The following KMT2C variants were observed in gnomAD, a reference collection of about 807,000 sequenced individuals.
KMT2C encodes the protein histone-lysine N-methyltransferase 2C.
KMT2C carries 88 observed loss-of-function variants against 507.9 expected under a neutral mutation model. That is an observed-to-expected ratio of 0.17 (90% confidence interval 0.15 to 0.21). KMT2C has a LOEUF of 0.21. KMT2C is among the 10% of genes least tolerant of loss of function. The pLI is 1.00. For missense variants in KMT2C, 4,954 were observed against 5,957.8 expected, an observed-to-expected ratio of 0.83 and a Z score of 5.55; for synonymous variants, 2,049 against 2,080.8, an observed-to-expected ratio of 0.98 and a Z score of 0.42.
At position 152,149,677 on chromosome 7, in the gene KMT2C, A is replaced by C. The variant is rs953280188; in HGVS notation, c.12775-525T>G. Among the ~76,000 whole-genome samples the C allele has an allele frequency of 2.0e-5, 3 of 152,342 alleles. No individual in the cohort carries two copies. In the South Asian group the frequency reaches 6.2e-4, roughly 32 times the overall value. The stretch of plus-strand genomic sequence containing the variant: ...GAAAGGGAAGGAGCCCCTGTCAACA[A>C]ATGAATCATACTAACTTTTCTCTGA... On this transcript the variant is annotated intron_variant, in intron 51 of 58. Transcript: ENST00000262189.
intron 3 of KMT2C, among the ~76,000 whole-genome samples, chr7:152,317,422 A>C (rs1198491620): frequency 6.6e-6 from 1 of 152,166 alleles, no homozygotes; most frequent in African/African-American, 2.4e-5. Flanking sequence ...CCAACCAGAG[A>C]ATCTGCAAAT....
Position 152,138,663 on chromosome 7 carries a change from T to A in KMT2C, c.14643+133A>T. The A allele has an allele frequency of 1.6e-6, 1 of 615,384 alleles. No homozygotes were observed. Among genetic ancestry groups the A allele is most frequent in the African/African-American group, 1.9e-5 (1 of 53,494 alleles). The allele number at this position is 615,384 out of a possible 1,614,324, so 38.1% of individuals were successfully genotyped here. A position where few individuals can be genotyped will look rare whatever the true frequency, so the allele number is the denominator to read the frequency against. ...GGTGAGATACTGCAGGGTGGGAACATCTGGCCTATTATGGACAGAGTTTTT... is the reference window on the plus strand; with the variant it reads ...GGTGAGATACTGCAGGGTGGGAACAACTGGCCTATTATGGACAGAGTTTTT... On this transcript the variant is annotated intron_variant, in intron 58 of 58. Coordinates refer to ENST00000262189, the MANE Select transcript of KMT2C (RefSeq NM_170606.3). This position sits in a 1 kb window ranked among gnomAD's most constrained non-coding sequence, Gnocchi z 4.2.
At chr7:152,263,572 T>G (rs2095815222) in intron 8 of KMT2C, among the ~76,000 whole-genome samples, 1 of 152,226 alleles carries the variant, frequency 6.6e-6, no homozygotes, top group Non-Finnish European at 1.5e-5. Flanking sequence ...GCTGCTGTTT[T>G]CTAGCTGTGT....
chr7:152,143,288 A>C (rs937731056), intron 55 of KMT2C, among the ~76,000 whole-genome samples: 2 of 152,266 alleles, frequency 1.3e-5, no homozygotes, highest in African/African-American at 4.8e-5. Context: ...GATCAAGAGC[A>C]GAAAGGGCTC....
At chr7:152,412,470 T>TC (rs1774390143) in intron 1 of KMT2C, among the ~76,000 whole-genome samples, 1 of 152,210 alleles carries the variant, frequency 6.6e-6, no homozygotes, top group Non-Finnish European at 1.5e-5. Context: ...TCATGTTTTT[T>TC]CTTAAAAGTT....
chr7:152,348,951 T>C (rs1019653044), intron 2 of KMT2C, among the ~76,000 whole-genome samples: 27 of 152,332 alleles, frequency 1.8e-4, no homozygotes, highest in Admixed American at 1.4e-3. Context: ...GAAATCATGC[T>C]GCTTGGTATT....
At position 152,205,396 on chromosome 7, in the gene KMT2C, A is replaced by C. The variant is rs1196868066; in HGVS notation, c.3842-171T>G. Reference sequence around the variant, plus strand: ...GGTAAAATAGAAGTTAAAAACGACCAAAAAAAAAAAAAAAAAAGGCAAAGC... The same window carrying C: ...GGTAAAATAGAAGTTAAAAACGACCCAAAAAAAAAAAAAAAAAGGCAAAGC... On this transcript the variant is annotated intron_variant, in intron 24 of 58. Transcript: ENST00000262189. Among the ~76,000 whole-genome samples, 8 of 120,222 alleles carry C rather than the reference A, an allele frequency of 6.7e-5. No individual in the cohort carries two copies. In the East Asian group the frequency reaches 1.7e-3, roughly 25 times the overall value. The allele number at this position is 120,222 out of a possible 152,430, so 78.9% of individuals were successfully genotyped here.
rs1280435901 is a variant in KMT2C at position 152,181,837 on chromosome 7, G to A, written c.6023C>T (p.Thr2008Ile). The stretch of plus-strand genomic sequence containing the variant: ...CACATCTGCCCTAGGAGATGGTTTA[G>A]TAAAGTGATCACTGGTTCCAGCTGC... ...PIAAGTSDHF[T>I]KPSPRADVFQ... The change falls in exon 36 of 59, where the codon ACT becomes ATT. Residue 2008 changes from threonine to isoleucine, a missense_variant. Physicochemically the swap from Thr to Ile is moderately conservative, Grantham distance 89 (BLOSUM62 -1). Transcript: ENST00000262189. 1.2e-6 allele frequency: 2 copies of A among 1,614,172 alleles called. No homozygotes were observed. Among genetic ancestry groups the A allele is most frequent in the Non-Finnish European group, 1.7e-6 (2 of 1,180,026 alleles).
intron 23 of KMT2C, among the ~76,000 whole-genome samples, chr7:152,209,162 A>C (rs1198262847): frequency 1.5e-5 from 2 of 137,528 alleles, no homozygotes; most frequent in African/African-American, 5.7e-5. Context: ...TCCAACTCTC[A>C]AAAAAAAAAA....
At chr7:152,175,748 A>G (rs550283918) in intron 38 of KMT2C, among the ~76,000 whole-genome samples, 1 of 152,292 alleles carries the variant, frequency 6.6e-6, no homozygotes, top group South Asian at 2.1e-4. Flanking sequence ...TTCATTCTAA[A>G]GCTCAAGGAG....
rs1207158010 is a variant in KMT2C at position 152,176,778 on chromosome 7, T to A, written c.8675A>T (p.Asn2892Ile). ...TAGTTGAGTGGATGCCTGAATGACATTTGCACTGGGGCCAGCAGTTTCTCG... is the reference window on the plus strand; with the variant it reads ...TAGTTGAGTGGATGCCTGAATGACAATTGCACTGGGGCCAGCAGTTTCTCG... ...TNRETAGPSA[N>I]VIQASTQLPA... Residue 2892 changes from asparagine to isoleucine, a missense_variant, in exon 38 of 59, where the codon AAT (asparagine) becomes ATT (isoleucine). By Grantham distance (149) the Asn-to-Ile change is moderately radical. Transcript: ENST00000262189. 1 of 1,614,038 alleles carries A rather than the reference T, an allele frequency of 6.2e-7. No individual in the cohort carries two copies. Among genetic ancestry groups the A allele is most frequent in the African/African-American group, 1.3e-5 (1 of 74,922 alleles).
intron 16 of KMT2C, among the ~76,000 whole-genome samples, chr7:152,233,981 A>C (rs1205133408): frequency 6.6e-6 from 1 of 152,102 alleles, no homozygotes; most frequent in Non-Finnish European, 1.5e-5. Flanking sequence ...CCCAAAACAC[A>C]AAAATTAGCC....
chr7:152,376,593 C>T (rs2097330019), intron 1 of KMT2C, among the ~76,000 whole-genome samples: 1 of 152,222 alleles, frequency 6.6e-6, no homozygotes, highest in Admixed American at 6.5e-5. Flanking sequence ...GCCTAATCCA[C>T]AGCAAGGCTC....
At position 152,181,166 on chromosome 7, in the gene KMT2C, C is replaced by T. The variant is rs753328867; in HGVS notation, c.6694G>A (p.Gly2232Ser). 3.1e-6 allele frequency: 5 copies of T among 1,614,062 alleles called. No homozygotes were observed. The highest frequency in any genetic ancestry group is 4.2e-6 in the Non-Finnish European group (5 of 1,180,028). The change falls in exon 36 of 59, where the codon GGT (glycine) becomes AGT (serine). Residue 2232 changes from glycine to serine, a missense_variant. Physicochemically the swap from Gly to Ser is moderately conservative, Grantham distance 56 (BLOSUM62 0). Transcript: ENST00000262189. ...CTTGTCATTGAGGACCTAGTAAAAC[C>T]CTCTGAAATCCTTGGCCTTGGTGTT... The part of the protein sequence containing the change: ...PATPRPRISE[G>S]FTRSSMTRPV...
chr7:152,140,442 T>C (rs1166770643), intron 55 of KMT2C, among the ~76,000 whole-genome samples: 2 of 152,230 alleles, frequency 1.3e-5, no homozygotes, highest in African/African-American at 4.8e-5. Flanking sequence ...TGTACTCCCG[T>C]GCTGGTGGCC....
chr7:152,326,991 G>A (rs2096834887), intron 3 of KMT2C, among the ~76,000 whole-genome samples: 1 of 152,232 alleles, frequency 6.6e-6, no homozygotes, highest in Admixed American at 6.5e-5. Context: ...AAAAGTCGGA[G>A]CTTGGAATAA....
intron 15 of KMT2C, among the ~76,000 whole-genome samples, 187 bp downstream of exon 15, chr7:152,238,520 G>C (rs1588487390): frequency 1.3e-5 from 2 of 152,266 alleles, no homozygotes; most frequent in East Asian, 3.8e-4. Flanking sequence ...ACCATAAAAA[G>C]AGGTATTAAA....
intron 1 of KMT2C, among the ~76,000 whole-genome samples, chr7:152,399,407 A>C (rs1306767629): frequency 1.8e-4 from 27 of 152,196 alleles, no homozygotes; most frequent in Admixed American, 1.8e-3. Context: ...AAATTAATGG[A>C]AAGAGATCTC....
chr7:152,212,042 CA>C (rs2094466944), intron 23 of KMT2C, among the ~76,000 whole-genome samples: 1 of 151,924 alleles, frequency 6.6e-6, no homozygotes, highest in Non-Finnish European at 1.5e-5. Context: ...AGCAAGACTC[CA>C]TCGAAAGAAA....
Sources: allele counts gnomAD v4.1 joint callset (sites outside exome capture counted in the v4.1 genomes callset), GRCh38; gene constraint gnomAD v4.1.1; non-coding constraint Gnocchi (gnomAD v3.1); transcripts MANE v1.5; gene names NCBI Gene and HGNC (gene_info 2026-07-23, HGNC 2026-07-21).